Variants in TRERF1 observed in about 807,000 individuals in gnomAD.
TRERF1 encodes the protein transcriptional-regulating factor 1.
A neutral mutation model predicts 122.9 loss-of-function variants in TRERF1; 27 were observed. The ratio of observed to expected loss-of-function variants is 0.22; its 90% confidence interval spans 0.16 to 0.30. TRERF1 has a LOEUF of 0.30. Among genes scored for constraint, TRERF1 ranks in the 10% least tolerant of loss-of-function variants. The probability of loss-of-function intolerance (pLI) is 1.00; values close to 1 mark genes in which losing one functional copy is unlikely to be tolerated. For missense variants in TRERF1, 1,248 were observed against 1,560.3 expected, an observed-to-expected ratio of 0.80 and a Z score of 3.37; for synonymous variants, 636 against 641.7, an observed-to-expected ratio of 0.99 and a Z score of 0.13.
chr6:42,316,811 C>A (rs1379091889), intron 3 of TRERF1, among the ~76,000 whole-genome samples: 1 of 152,124 alleles, frequency 6.6e-6, no homozygotes, highest in Admixed American at 6.5e-5. Context: ...TAAAGGATAA[C>A]CAGCCATTCC....
At chr6:42,262,192 C>A (rs2149809397) in intron 8 of TRERF1, among the ~76,000 whole-genome samples, 1 of 152,140 alleles carries the variant, frequency 6.6e-6, no homozygotes, top group Non-Finnish European at 1.5e-5. Flanking sequence ...ATCTTCCCCC[C>A]AGTTCTCCAT....
Position 42,268,039 on chromosome 6 carries a change from A to G in TRERF1, c.1437+115T>C. On this transcript the variant is annotated intron_variant, in intron 5 of 17. Transcript: ENST00000372922. The surrounding 1 kb of genome is among the most constrained non-coding windows in gnomAD (Gnocchi z 4.4). The stretch of plus-strand genomic sequence containing the variant: ...GACACATGTAGGTTAATGTTTGTGG[A>G]ATTAGTAAAGAACAAAAGGGTTGAG... 2.4e-6 allele frequency: 3 copies of G among 1,250,396 alleles called. No homozygotes were observed. Among genetic ancestry groups the G allele is most frequent in the Non-Finnish European group, 2.1e-6 (2 of 958,002 alleles). The allele number at this position is 1,250,396 out of a possible 1,614,324, so 77.5% of individuals were successfully genotyped here. A position where few individuals can be genotyped will look rare whatever the true frequency, so the allele number is the denominator to read the frequency against.
chr6:42,423,329 G>C (rs1187018568), intron 2 of TRERF1, among the ~76,000 whole-genome samples: 1 of 152,228 alleles, frequency 6.6e-6, no homozygotes, highest in Non-Finnish European at 1.5e-5. Context: ...AAGTGAGGAA[G>C]AGTTTCAGTA....
At chr6:42,387,354 C>G (rs150193708) in intron 2 of TRERF1, among the ~76,000 whole-genome samples, 3 of 152,222 alleles carry the variant, frequency 2.0e-5, no homozygotes, top group African/African-American at 7.2e-5. Context: ...GCCTAAGGGC[C>G]GAGAAGCTCC....
At chr6:42,260,043 G>T (rs1582630516) in intron 8 of TRERF1, among the ~76,000 whole-genome samples, 1 of 152,048 alleles carries the variant, frequency 6.6e-6, no homozygotes, top group African/African-American at 2.4e-5. Context: ...TGTTTGAGTG[G>T]AATCCAGCTG....
chr6:42,348,089 G>A (rs1273283948), intron 3 of TRERF1, among the ~76,000 whole-genome samples: 1 of 152,146 alleles, frequency 6.6e-6, no homozygotes, highest in Non-Finnish European at 1.5e-5. Flanking sequence ...ATAGAAAGAT[G>A]GGCATCAAAT....
At chr6:42,368,291 C>A (rs1457059289) in intron 2 of TRERF1, among the ~76,000 whole-genome samples, 1 of 152,134 alleles carries the variant, frequency 6.6e-6, no homozygotes, top group African/African-American at 2.4e-5. Flanking sequence ...AAGGACAGGT[C>A]CCTCTACCCC....
chr6:42,233,259 G>A (rs1771004060), intron 16 of TRERF1, among the ~76,000 whole-genome samples: 1 of 151,194 alleles, frequency 6.6e-6, no homozygotes, highest in Admixed American at 6.6e-5. Flanking sequence ...TGAGGAATGA[G>A]AGGGCTGGAC....
At chr6:42,445,714 C>G (rs1251248357) in intron 2 of TRERF1, among the ~76,000 whole-genome samples, 2 of 152,086 alleles carry the variant, frequency 1.3e-5, no homozygotes, top group Non-Finnish European at 2.9e-5. Flanking sequence ...CTCCCCACCC[C>G]ACAGCAGCCC....
At chr6:42,242,701 A>G (rs1318278979) in intron 15 of TRERF1, among the ~76,000 whole-genome samples, 1 of 152,236 alleles carries the variant, frequency 6.6e-6, no homozygotes, top group African/African-American at 2.4e-5. Context: ...AAGGAAATCA[A>G]TACCAGGGAT....
intron 5 of TRERF1, among the ~76,000 whole-genome samples, chr6:42,267,679 C>T (rs900260018): frequency 1.3e-5 from 2 of 152,134 alleles, no homozygotes; most frequent in Non-Finnish European, 2.9e-5. Flanking sequence ...GTGTATTTAT[C>T]CTGAGAACCC....
At chr6:42,255,859 G>A (rs1051085037) in intron 12 of TRERF1, among the ~76,000 whole-genome samples, 8 of 152,074 alleles carry the variant, frequency 5.3e-5, no homozygotes, top group African/African-American at 1.9e-4. Context: ...GGCTGGGTGC[G>A]GTGGTCCATG....
At chr6:42,397,367 G>A (rs969071641) in intron 2 of TRERF1, among the ~76,000 whole-genome samples, 1 of 152,136 alleles carries the variant, frequency 6.6e-6, no homozygotes, top group African/African-American at 2.4e-5. Flanking sequence ...GCACCGTCGG[G>A]ATGTACTGTA....
chr6:42,399,761 T>TAGA (rs1353162054), intron 2 of TRERF1, among the ~76,000 whole-genome samples: 1 of 152,196 alleles, frequency 6.6e-6, no homozygotes, highest in African/African-American at 2.4e-5. Context: ...TCATTGAGAC[T>TAGA]AGAACTGTGG....
chr6:42,418,266 C>T (rs370992595), intron 2 of TRERF1, among the ~76,000 whole-genome samples: 52 of 36,974 alleles, frequency 1.4e-3, no homozygotes, highest in Middle Eastern at 0.028. Context: ...TTCTTTCTTT[C>T]TTTTTTTTTT....
intron 8 of TRERF1, among the ~76,000 whole-genome samples, chr6:42,262,895 G>C (rs1778478034): frequency 6.6e-6 from 1 of 152,206 alleles, no homozygotes; most frequent in Non-Finnish European, 1.5e-5. Flanking sequence ...GGATTTGGGA[G>C]GTCTGGAGAT....
At chr6:42,355,564 T>G (rs75269653) in intron 3 of TRERF1, among the ~76,000 whole-genome samples, 232 of 152,312 alleles carry the variant, frequency 1.5e-3, no homozygotes, top group African/African-American at 5.5e-3. Flanking sequence ...GATCTGGAAG[T>G]TTTCCATCTT....
intron 2 of TRERF1, among the ~76,000 whole-genome samples, chr6:42,391,613 C>G (rs1013578716): frequency 1.3e-5 from 2 of 152,072 alleles, no homozygotes; most frequent in Non-Finnish European, 2.9e-5. Flanking sequence ...CCTTTGAACA[C>G]GATCTCTAAG....
chr6:42,297,149 T>A (rs1785247038), intron 4 of TRERF1, among the ~76,000 whole-genome samples: 1 of 152,174 alleles, frequency 6.6e-6, no homozygotes, highest in Admixed American at 6.5e-5. Context: ...AGGTCACTCT[T>A]CTGTGAAGAA....
Sources: allele counts gnomAD v4.1 joint callset (sites outside exome capture counted in the v4.1 genomes callset), GRCh38; gene constraint gnomAD v4.1.1; non-coding constraint Gnocchi (gnomAD v3.1); transcripts MANE v1.5; gene names NCBI Gene and HGNC (gene_info 2026-07-23, HGNC 2026-07-21).